The following AMACR variants were observed in gnomAD, a reference collection of about 807,000 sequenced individuals.
The protein encoded by AMACR is 2-methylacyl-CoA racemase.
Under a neutral mutation model 22.2 loss-of-function variants are expected in AMACR, and 18 were observed. The observed-to-expected ratio is 0.81, with a 90% confidence interval of 0.56 to 1.20. The LOEUF is 1.20. Among genes scored for constraint, AMACR ranks in the 50% most tolerant of loss-of-function variants. AMACR has a pLI of 0.00. For missense variants in AMACR, 499 were observed against 490.6 expected (o/e 1.02, Z -0.16); for synonymous variants, 213 against 191.3 (o/e 1.11, Z -0.94).
At chr5:33,999,149 A>G (rs2112055871) in intron 3 of AMACR, among the ~76,000 whole-genome samples, 1 of 152,340 alleles carries the variant, frequency 6.6e-6, no homozygotes, top group African/African-American at 2.4e-5. Flanking sequence ...TCACTATACT[A>G]TTCTCTCTAC....
intron 3 of AMACR, among the ~76,000 whole-genome samples, chr5:34,000,347 T>G (rs1280771734): frequency 6.6e-6 from 1 of 152,242 alleles, no homozygotes; most frequent in Non-Finnish European, 1.5e-5. Context: ...CAGAGAGTTC[T>G]GAATACTGTT....
intron 4 of AMACR, chr5:33,997,587 T>A: frequency 1.3e-6 from 1 of 762,986 alleles, no homozygotes; most frequent in Non-Finnish European, 2.4e-6. Context: ...GGTGGCAGTG[T>A]TCATGGCTCC....
chr5:34,006,975 G>T (rs1753998709), intron 1 of AMACR, among the ~76,000 whole-genome samples: 1 of 152,236 alleles, frequency 6.6e-6, no homozygotes, highest in Non-Finnish European at 1.5e-5. Context: ...GGTATGGAGA[G>T]AAATAGTCCG....
At chr5:34,006,796 A>G (rs1191196548) in intron 1 of AMACR, among the ~76,000 whole-genome samples, 1 of 152,270 alleles carries the variant, frequency 6.6e-6, no homozygotes, top group Non-Finnish European at 1.5e-5. Flanking sequence ...TGCCGTAGGC[A>G]TTCATTCATT....
At chr5:34,003,386 C>T (rs962190206) in intron 3 of AMACR, among the ~76,000 whole-genome samples, 1 of 152,158 alleles carries the variant, frequency 6.6e-6, no homozygotes, top group African/African-American at 2.4e-5. Context: ...GCCCACTGTA[C>T]GCCAGGCACT....
chr5:33,992,037 C>A (rs1333797317), intron 4 of AMACR, among the ~76,000 whole-genome samples: 1 of 152,066 alleles, frequency 6.6e-6, no homozygotes, highest in Non-Finnish European at 1.5e-5. Context: ...TGCCACCATG[C>A]CCGGCAAATT....
intron 3 of AMACR, among the ~76,000 whole-genome samples, chr5:34,003,023 C>T (rs1199922773): frequency 3.3e-5 from 5 of 152,196 alleles, no homozygotes; most frequent in Non-Finnish European, 1.5e-5. Context: ...AGGACCCAAT[C>T]CAGTTGACAC....
At position 33,989,169 on chromosome 5, in the gene AMACR, C is replaced by A. The variant is rs1341401076; in HGVS notation, c.1073G>T (p.Gly358Val). 1 of 1,614,166 alleles carries A rather than the reference C, an allele frequency of 6.2e-7. No homozygotes were observed. Among genetic ancestry groups the A allele is most frequent in the Non-Finnish European group, 8.5e-7 (1 of 1,180,030 alleles). ...EHTEEILEEF[G>V]FSREEIYQLN... ...CTGATAAATCTCTTCGCGGCTGAAT[C>A]CAAATTCTTCAAGTATCTCCTCAGT... Residue 358 changes from glycine (G) to valine (V), a missense_variant, in exon 5 of 5, where the codon GGA (glycine) becomes GTA (valine). Physicochemically the swap from Gly to Val is moderately radical, Grantham distance 109. Transcript: ENST00000335606.
At position 33,986,276 on chromosome 5, in the gene AMACR, C is replaced by T. The variant is rs1753288268; in HGVS notation, c.*2817G>A. 6.6e-6 allele frequency: 1 copy of T among 152,192 alleles called. No individual in the cohort carries two copies. Among genetic ancestry groups the T allele is most frequent in the Non-Finnish European group, 1.5e-5 (1 of 68,036 alleles). 9.4% of individuals were successfully genotyped at this position (152,192 alleles called of 1,614,324 possible). ...ATTTAAAATGGTGGCAGGTCACACCCTTCTTCAAATCATTAGCTGTGTCAG... is the reference window on the plus strand; with the variant it reads ...ATTTAAAATGGTGGCAGGTCACACCTTTCTTCAAATCATTAGCTGTGTCAG... On this transcript the variant is annotated 3_prime_UTR_variant, in exon 5 of 5. Coordinates refer to ENST00000335606, the MANE Select transcript of AMACR (RefSeq NM_014324.6).
intron 4 of AMACR, 85 bp from the exon 5 acceptor site, chr5:33,989,587 C>T: frequency 8.9e-7 from 1 of 1,128,314 alleles, no homozygotes; most frequent in Admixed American, 2.0e-5. Context: ...GCCCACTGTA[C>T]TATGCAAAAT....
chr5:34,004,013 C>T (rs1561044984), intron 3 of AMACR, among the ~76,000 whole-genome samples: 1 of 152,200 alleles, frequency 6.6e-6, no homozygotes, highest in Non-Finnish European at 1.5e-5. Context: ...GAAGAAATCA[C>T]ACAGGGAATG....
At chr5:33,997,192 G>A (rs1753665075) in intron 4 of AMACR, 7 of 759,862 alleles carry the variant, frequency 9.2e-6, no homozygotes, top group South Asian at 8.3e-5. Context: ...TACCCTATAT[G>A]AGGGTTGAGA....
intron 3 of AMACR, among the ~76,000 whole-genome samples, chr5:34,000,417 C>A (rs1473232200): frequency 6.6e-6 from 1 of 152,114 alleles, no homozygotes; most frequent in Non-Finnish European, 1.5e-5. Context: ...TGTAGTGAGT[C>A]GACCTAGAAA....
chr5:33,991,423 AGTTATAGATTGTGGCTAGCT>A (rs1463277019), intron 4 of AMACR, among the ~76,000 whole-genome samples: 6 of 152,186 alleles, frequency 3.9e-5, no homozygotes, highest in African/African-American at 1.2e-4. Context: ...GTATAAATAC[AGTTATAGATTGTGGCTAGCT>A]GTTATGGTAC....
In AMACR at chr5:33,989,387, T is replaced by G. The variant is rs1430854918; in HGVS notation, c.855A>C (p.Gln285His). The G allele has an allele frequency of 1.2e-6, 2 of 1,614,228 alleles. No individual in the cohort carries two copies. The highest frequency in any genetic ancestry group is 1.7e-6 in the Non-Finnish European group (2 of 1,180,042). ...CACAGGCATCTGTGCCGTCAAAGAT[T>G]TGACACCACTCTGCCTTCGTCTTCT... ...FAEKTKAEWC[Q>H]IFDGTDACVT... The change falls in exon 5 of 5, where the codon CAA becomes CAC. Residue 285 changes from glutamine (Q) to histidine (H), a missense_variant. Physicochemically the swap from Gln to His is conservative, Grantham distance 24. Transcript: ENST00000335606.
rs1394573235 is a variant in AMACR at position 33,986,988 on chromosome 5, G to A, written c.*2105C>T. 6.6e-6 allele frequency: 1 copy of A among 152,128 alleles called. No individual in the cohort carries two copies. The highest frequency in any genetic ancestry group is 6.5e-5 in the Admixed American group (1 of 15,268). 9.4% of individuals were successfully genotyped at this position (152,128 alleles called of 1,614,324 possible). On this transcript the variant is annotated 3_prime_UTR_variant, in exon 5 of 5. Transcript: ENST00000335606. ...CGAGTTCAAATGAAAAGTCTGAGTT[G>A]TAGGGAAAACATCTTTTTTATTATT...
chr5:34,005,697 T>C, intron 2 of AMACR, 59 bp downstream of exon 2: 1 of 1,591,700 alleles, frequency 6.3e-7, no homozygotes, highest in Non-Finnish European at 8.6e-7. Flanking sequence ...TTAATCAACA[T>C]ACCTGTAGAT....
chr5:33,998,454 T>G (rs1193352751), intron 4 of AMACR, among the ~76,000 whole-genome samples, 187 bp downstream of exon 4: 1 of 152,140 alleles, frequency 6.6e-6, no homozygotes, highest in Admixed American at 6.6e-5. Flanking sequence ...TTTTATAGAC[T>G]AGTAAGACTG....
At position 33,989,452 on chromosome 5, in the gene AMACR, A is replaced by C. The variant is rs774924592; in HGVS notation, c.790T>G (p.Trp264Gly). 1 of 1,614,208 alleles carries C rather than the reference A, an allele frequency of 6.2e-7. No individual in the cohort carries two copies. Among genetic ancestry groups the C allele is most frequent in the Non-Finnish European group, 8.5e-7 (1 of 1,180,026 alleles). The change falls in exon 5 of 5, where the codon TGG becomes GGG. Residue 264 changes from tryptophan (W) to glycine (G), a missense_variant. Physicochemically the swap from Trp to Gly is radical, Grantham distance 184. Coordinates refer to ENST00000335606, the MANE Select transcript of AMACR (RefSeq NM_014324.6). ...ELPNQMSMDD[W>G]PEMKKKFADV... Reference sequence around the variant, plus strand: ...GCAAACTTCTTCTTCATTTCTGGCCAATCATCCATGCTCATCTGATTGGGA... The same window carrying C: ...GCAAACTTCTTCTTCATTTCTGGCCCATCATCCATGCTCATCTGATTGGGA...
Sources: gnomAD v4.1 joint callset for allele counts (sites outside exome capture counted in the v4.1 genomes callset) on GRCh38, gnomAD v4.1.1 for gene constraint, MANE v1.5 for transcripts, NCBI Gene and HGNC (gene_info 2026-07-23, HGNC 2026-07-21) for gene names.